OCSTAMP: variants seen among roughly 807,000 people sequenced by gnomAD.
OCSTAMP encodes osteoclast stimulatory transmembrane protein.
Under a neutral mutation model 25.2 loss-of-function variants are expected in OCSTAMP, and 17 were observed. The observed-to-expected ratio is 0.68, with a 90% CI of 0.46 to 1.01. OCSTAMP has a LOEUF of 1.01. Ranked by LOEUF, OCSTAMP falls within the 50% of genes least tolerant of loss-of-function variation. The pLI is 0.00. For synonymous variants in OCSTAMP, 345 were observed against 318.9 expected, an observed-to-expected ratio of 1.08 and a Z score of -0.87; for missense variants, 664 against 694.6, an observed-to-expected ratio of 0.96 and a Z score of 0.50.
In OCSTAMP at chr20:46,550,546, TGGGTGG is replaced by T. The variant is rs1363738676; in HGVS notation, c.9_14del (p.His4_Pro5del). On this transcript the variant is annotated inframe_deletion, in exon 1 of 3. Coordinates refer to ENST00000279028, the MANE Select transcript of OCSTAMP (RefSeq NM_080721.3). Reference sequence around the variant, plus strand: ...TCTTGACAAGTTGCTCAGCTGCTCCTGGGTGGCCTGGCATGCTGTCCAAATGGCAGT... The same window carrying T: ...TCTTGACAAGTTGCTCAGCTGCTCCTCCTGGCATGCTGTCCAAATGGCAGT... The T allele has an allele frequency of 5.2e-6, 8 of 1,551,588 alleles. No homozygotes were observed. Among genetic ancestry groups the T allele is most frequent in the Non-Finnish European group, 7.0e-6 (8 of 1,146,966 alleles).
In OCSTAMP at chr20:46,545,417, TGTGGCCACCGCCACAGCC is replaced by T. The variant is rs1232203085; in HGVS notation, c.939_956del (p.Ala314_Thr319del). Reference sequence around the variant, plus strand: ...GTGCCAGGAGGAAGGCTACATGGTCTGTGGCCACCGCCACAGCCGTGGCCACGAGGAGCAGGGCAAGCA... The same window carrying T: ...GTGCCAGGAGGAAGGCTACATGGTCTGTGGCCACGAGGAGCAGGGCAAGCA... On this transcript the variant is annotated inframe_deletion, in exon 2 of 3. Transcript: ENST00000279028. 15 of 1,549,712 alleles carry T rather than the reference TGTGGCCACCGCCACAGCC, an allele frequency of 9.7e-6. No homozygotes were observed. Among genetic ancestry groups the T allele is most frequent in the South Asian group, 3.6e-5 (3 of 83,826 alleles).
chr20:46,547,974 G>A (rs2061858239), intron 1 of OCSTAMP, among the ~76,000 whole-genome samples: 1 of 152,182 alleles, frequency 6.6e-6, no homozygotes, highest in African/African-American at 2.4e-5. Context: ...AGGTGGGGCT[G>A]GTCTTAGAAT....
At chr20:46,543,146 CCCTT>C (rs1179541267) in intron 2 of OCSTAMP, among the ~76,000 whole-genome samples, 3 of 151,732 alleles carry the variant, frequency 2.0e-5, no homozygotes, top group South Asian at 2.1e-4. Context: ...TCCCCTCCCT[CCCTT>C]CCTTCCTTCC....
chr20:46,542,814 G>A (rs561293502), intron 2 of OCSTAMP, among the ~76,000 whole-genome samples: 1 of 152,150 alleles, frequency 6.6e-6, no homozygotes, highest in South Asian at 2.1e-4. Flanking sequence ...AGGTGCAGAA[G>A]GATAGCTTGC....
chr20:46,550,131 A>T (rs978507205), intron 1 of OCSTAMP, among the ~76,000 whole-genome samples: 1 of 152,240 alleles, frequency 6.6e-6, no homozygotes, highest in African/African-American at 2.4e-5. Context: ...TTTGGAACAC[A>T]GTAGCTTTTG....
At chr20:46,546,404 A>G in intron 1 of OCSTAMP, 75 bp from the exon 2 acceptor site, 1 of 1,288,568 alleles carries the variant, frequency 7.8e-7, no homozygotes, top group Non-Finnish European at 1.1e-6. Flanking sequence ...CCCCTGCCCC[A>G]CATACCCATC....
chr20:46,545,505 C>G lies in OCSTAMP; in HGVS notation c.869G>C (p.Arg290Thr), dbSNP rs1045231791. 1.9e-5 allele frequency: 30 copies of G among 1,551,292 alleles called. No homozygotes were observed. The highest frequency in any genetic ancestry group is 2.5e-5 in the Non-Finnish European group (29 of 1,146,850). Reference protein sequence around the residue: ...PTWLLQAAQLRLSQEELLSCL... With the variant: ...PTWLLQAAQLTLSQEELLSCL... Reference sequence around the variant, plus strand: ...ACTCAACAGCTCCTCCTGTGACAGCCTCAGCTGAGCCGCCTGGAGCAGCCA... The same window carrying G: ...ACTCAACAGCTCCTCCTGTGACAGCGTCAGCTGAGCCGCCTGGAGCAGCCA... The change falls in exon 2 of 3, where the codon AGG becomes ACG. Residue 290 changes from arginine to threonine, a missense_variant. Coordinates refer to ENST00000279028, the MANE Select transcript of OCSTAMP (RefSeq NM_080721.3).
Position 46,546,224 on chromosome 20 carries a change from G to A in OCSTAMP, c.150C>T (p.Thr50=), listed in dbSNP as rs766554332. 3 of 1,551,618 alleles carry A rather than the reference G, an allele frequency of 1.9e-6. No individual in the cohort carries two copies. In the South Asian group the frequency reaches 3.6e-5, roughly 18 times the overall value. ...PVPASCGQLL[T]QLLLCASLAA... ...CCAGGGAGGCACACAGGAGGAGCTG[G>A]GTCAGCAGCTGGCCACAGCTGGCTG... The change falls in exon 2 of 3, where the codon ACC becomes ACT. Residue 50 remains threonine (T), a synonymous_variant. Transcript: ENST00000279028.
intron 2 of OCSTAMP, 35 bp from the exon 3 acceptor site, chr20:46,541,962 G>A (rs1205638402): frequency 7.1e-7 from 1 of 1,407,930 alleles, no homozygotes; most frequent in African/African-American, 1.5e-5. Context: ...GTCAACTGAG[G>A]GCCTCTCTGG....
intron 1 of OCSTAMP, among the ~76,000 whole-genome samples, chr20:46,549,662 C>T (rs534329975): frequency 9.9e-5 from 15 of 152,234 alleles, no homozygotes; most frequent in Admixed American, 2.6e-4. Flanking sequence ...AGGTCCTGTG[C>T]TCTGACCATC....
At chr20:46,549,680 AG>A (rs1374462540) in intron 1 of OCSTAMP, among the ~76,000 whole-genome samples, 14 of 152,156 alleles carry the variant, frequency 9.2e-5, no homozygotes, top group Non-Finnish European at 1.8e-4. Flanking sequence ...ATCGGGAAAT[AG>A]GGAGTTGGGA....
chr20:46,543,806 G>A (rs756127231), intron 2 of OCSTAMP, among the ~76,000 whole-genome samples: 1 of 152,156 alleles, frequency 6.6e-6, no homozygotes, highest in African/African-American at 2.4e-5. Flanking sequence ...TAAAGTAATG[G>A]TGTGACTTGC....
Position 46,541,676 on chromosome 20 carries a change from G to C in OCSTAMP, c.1299C>G (p.Phe433Leu), listed in dbSNP as rs1428565237. 3 of 1,550,418 alleles carry C rather than the reference G, an allele frequency of 1.9e-6. No homozygotes were observed. The Admixed American group carries it at 5.9e-5, about 30-fold the overall frequency. ...CCCTCCTCGCCTCCTGGGCTGTGAA[G>C]AAGGAAGCGGCGATGGCATGCCGCA... ...RRLRHAIAAS[F>L]FTAQEARRVR... The change falls in exon 3 of 3, where the codon TTC becomes TTG. Residue 433 changes from phenylalanine to leucine, a missense_variant. By Grantham distance (22) the Phe-to-Leu change is conservative. Transcript: ENST00000279028.
chr20:46,545,039 G>A (rs865974548), intron 2 of OCSTAMP, among the ~76,000 whole-genome samples: 1 of 152,204 alleles, frequency 6.6e-6, no homozygotes, highest in African/African-American at 2.4e-5. Context: ...TGGAAAATGA[G>A]GCTAGGACAA....
chr20:46,548,923 G>T (rs1311956082), intron 1 of OCSTAMP, among the ~76,000 whole-genome samples: 1 of 152,222 alleles, frequency 6.6e-6, no homozygotes, highest in African/African-American at 2.4e-5. Flanking sequence ...TGCCTTGAGA[G>T]CTAAGCTGGT....
Position 46,547,705 on chromosome 20 carries a change from G to A in OCSTAMP, c.45-1376C>T, listed in dbSNP as rs959881786. On this transcript the variant is annotated intron_variant, in intron 1 of 2. Transcript: ENST00000279028. ...CAAAATCCAACTAGACTGGGTCCAG[G>A]AGAGACGGGAAGGAGAAGAATAGGA... 6.6e-5 allele frequency among the ~76,000 whole-genome samples: 10 copies of A among 152,336 alleles called. No individual in the cohort carries two copies. In the South Asian group the frequency reaches 2.1e-3, roughly 32 times the overall value.
intron 2 of OCSTAMP, among the ~76,000 whole-genome samples, chr20:46,543,162 CCCTT>C (rs1487253973): frequency 6.6e-6 from 1 of 151,770 alleles, no homozygotes; most frequent in Non-Finnish European, 1.5e-5. Flanking sequence ...CTTCCTTCCT[CCCTT>C]CCTTCCTTCG....
At chr20:46,545,275 C>T (rs781313336) in intron 2 of OCSTAMP, 52 bp downstream of exon 2, 142 of 1,417,716 alleles carry the variant, frequency 1.0e-4, no homozygotes, top group Middle Eastern at 9.1e-4. Flanking sequence ...ACAGATTCTC[C>T]CCCTGCCCTC....
intron 1 of OCSTAMP, among the ~76,000 whole-genome samples, chr20:46,546,534 C>T (rs1281825277): frequency 6.6e-6 from 1 of 152,192 alleles, no homozygotes; most frequent in Non-Finnish European, 1.5e-5. Context: ...GGATTACTCT[C>T]GCTGGAACTG....
Sources: gnomAD v4.1 joint callset for allele counts (sites outside exome capture counted in the v4.1 genomes callset) on GRCh38, gnomAD v4.1.1 for gene constraint, MANE v1.5 for transcripts, NCBI Gene and HGNC (gene_info 2026-07-23, HGNC 2026-07-21) for gene names.